ZFR: variants seen among roughly 807,000 people sequenced by gnomAD.
ZFR encodes the protein zinc finger RNA binding protein, also known as zinc finger RNA-binding protein.
In ZFR, 19 loss-of-function variants were observed where a neutral mutation model predicts 130.7. That is an observed-to-expected ratio of 0.15 (90% CI 0.10 to 0.21). The LOEUF is 0.21. ZFR is among the 10% of genes least tolerant of loss of function. ZFR has a pLI of 1.00. For synonymous variants in ZFR, 466 were observed against 456.9 expected, an observed-to-expected ratio of 1.02 and a Z score of -0.25; for missense variants, 872 against 1,321.5, an observed-to-expected ratio of 0.66 and a Z score of 5.27.
At position 32,420,093 on chromosome 5, in the gene ZFR, C is replaced by G. The variant is rs1271920675; in HGVS notation, c.148G>C (p.Ala50Pro). The G allele has an allele frequency of 6.4e-7, 1 of 1,573,454 alleles. No homozygotes were observed. Among genetic ancestry groups the G allele is most frequent in the Admixed American group, 1.8e-5 (1 of 55,600 alleles). ...AAAAQYSQQPASGVAYSHPTT... is the reference protein window; with the variant it reads ...AAAAQYSQQPPSGVAYSHPTT... ...GGATGAGAATAGGCTACACCCGAAG[C>G]TGGCTGCTGGCTACATTGTGGAGTA... is the stretch of plus-strand genomic sequence containing the variant. The change falls in exon 3 of 20, where the codon GCT becomes CCT. Residue 50 changes from alanine to proline, a missense_variant. Physicochemically the swap from Ala to Pro is conservative, Grantham distance 27 (BLOSUM62 -1). Coordinates refer to ENST00000265069, the MANE Select transcript of ZFR (RefSeq NM_016107.5).
At chr5:32,385,940 A>G (rs1421250254) in intron 14 of ZFR, among the ~76,000 whole-genome samples, 1 of 152,124 alleles carries the variant, frequency 6.6e-6, no homozygotes, top group Non-Finnish European at 1.5e-5. Context: ...AAACACTGCC[A>G]TATTTATAAC....
At chr5:32,419,707 ACATGTG>A in intron 3 of ZFR, 108 bp downstream of exon 3, 1 of 1,479,974 alleles carries the variant, frequency 6.8e-7, no homozygotes, top group Non-Finnish European at 8.9e-7. Flanking sequence ...CTCTATCAGT[ACATGTG>A]TATTTTGGAA....
chr5:32,372,149 A>G (rs1319905009), intron 17 of ZFR, among the ~76,000 whole-genome samples: 1 of 152,236 alleles, frequency 6.6e-6, no homozygotes, highest in Non-Finnish European at 1.5e-5. Context: ...AGGTAGCCAA[A>G]TCCTACTCCT....
chr5:32,444,356 C>CA (rs1304217400), intron 1 of ZFR, 28 bp from the exon 2 acceptor site: 1 of 1,532,740 alleles, frequency 6.5e-7, no homozygotes. Context: ...AGTCGGGTCC[C>CA]ATGGCGGGAC....
At chr5:32,403,696 G>GT (rs1753519068) in intron 7 of ZFR, among the ~76,000 whole-genome samples, 1 of 152,138 alleles carries the variant, frequency 6.6e-6, no homozygotes, top group Admixed American at 6.5e-5. Context: ...GAAATAAATG[G>GT]TTTAGTTCAA....
intron 17 of ZFR, among the ~76,000 whole-genome samples, chr5:32,368,629 T>C (rs1213053178): frequency 6.6e-6 from 1 of 152,180 alleles, no homozygotes; most frequent in African/African-American, 2.4e-5. Flanking sequence ...GCACAAAAAA[T>C]ATTCTGCCCA....
In ZFR at chr5:32,417,744, T is replaced by C. The variant is rs1753858837; in HGVS notation, c.469A>G (p.Ser157Gly). 1 of 1,613,876 alleles carries C rather than the reference T, an allele frequency of 6.2e-7. No homozygotes were observed. Among genetic ancestry groups the C allele is most frequent in the South Asian group, 1.1e-5 (1 of 91,082 alleles). Residue 157 changes from serine to glycine, a missense_variant, in exon 4 of 20, where the codon AGT becomes GGT. Physicochemically the swap from Ser to Gly is moderately conservative, Grantham distance 56. Coordinates refer to ENST00000265069, the MANE Select transcript of ZFR (RefSeq NM_016107.5). The part of the protein sequence containing the change: ...RSTAPAVAYD[S>G]KQYYQQPTAT... ...GTTGGTTGTTGGTAGTATTGCTTAC[T>C]ATCATAAGCTACAGCAGGAGCTGTG... is the stretch of plus-strand genomic sequence containing the variant.
intron 15 of ZFR, among the ~76,000 whole-genome samples, chr5:32,381,658 T>A (rs192734257): frequency 7.2e-5 from 11 of 152,260 alleles, no homozygotes; most frequent in Admixed American, 3.3e-4. Context: ...TTATTTTGAG[T>A]AGATGACATA....
In ZFR at chr5:32,428,158, C is replaced by T. The variant is rs537249390; in HGVS notation, c.138-8055G>A. 4.1e-3 allele frequency among the ~76,000 whole-genome samples: 617 copies of T among 152,246 alleles called. 5 individuals are homozygous for T. Among genetic ancestry groups the T allele is most frequent in the Non-Finnish European group, 3.2e-3 (217 of 67,992 alleles). On this transcript the variant is annotated intron_variant, in intron 2 of 19. Transcript: ENST00000265069. Reference sequence around the variant, plus strand: ...CTCTGTGTGGCTGAGTGCAGCGACTCTGTGTGGCACTGTGGGAGGCCGAGG... The same window carrying T: ...CTCTGTGTGGCTGAGTGCAGCGACTTTGTGTGGCACTGTGGGAGGCCGAGG...
At chr5:32,425,503 G>A (rs527494532) in intron 2 of ZFR, among the ~76,000 whole-genome samples, 310 of 152,260 alleles carry the variant, frequency 2.0e-3, no homozygotes, top group Non-Finnish European at 2.3e-3. Flanking sequence ...TTTTTCATAA[G>A]CATATTTTTG....
chr5:32,438,252 A>ATTTTTTTTTTTTTTTTTTTTT lies in ZFR; in HGVS notation c.137+5976_137+5977insAAAAAAAAAAAAAAAAAAAAA, dbSNP rs1561930577. Among the ~76,000 whole-genome samples, 2 of 83,476 alleles carry ATTTTTTTTTTTTTTTTTTTTT rather than the reference A, an allele frequency of 2.4e-5. 1 individual carries two copies. The allele number at this position is 83,476 out of a possible 152,430, so 54.8% of individuals were successfully genotyped here. A position where few individuals can be genotyped will look rare whatever the true frequency, so the allele number is the denominator to read the frequency against. On this transcript the variant is annotated intron_variant, in intron 2 of 19. Transcript: ENST00000265069. ...AAGAATGCTACTGATTTTATCTGAA[A>ATTTTTTTTTTTTTTTTTTTTT]ATTTTTTTTTTTTTTTTTTTTTTTT...
intron 12 of ZFR, among the ~76,000 whole-genome samples, 183 bp downstream of exon 12, chr5:32,390,092 G>T (rs1318999303): frequency 1.3e-5 from 2 of 152,126 alleles, no homozygotes; most frequent in Non-Finnish European, 2.9e-5. Flanking sequence ...CGCACGTTAC[G>T]TGCAGTGAGC....
chr5:32,440,747 G>A (rs1321773447), intron 2 of ZFR, among the ~76,000 whole-genome samples: 1 of 151,894 alleles, frequency 6.6e-6, no homozygotes, highest in Non-Finnish European at 1.5e-5. Flanking sequence ...CCACAAAATT[G>A]TCTAATATGC....
At chr5:32,431,631 C>A (rs376903731) in intron 2 of ZFR, among the ~76,000 whole-genome samples, 2 of 152,140 alleles carry the variant, frequency 1.3e-5, no homozygotes, top group African/African-American at 4.8e-5. Context: ...TTTCATGGCA[C>A]ATGAAACACA....
intron 2 of ZFR, among the ~76,000 whole-genome samples, chr5:32,434,826 G>C (rs1754298949): frequency 6.6e-6 from 1 of 152,090 alleles, no homozygotes; most frequent in Admixed American, 6.6e-5. Flanking sequence ...CTTGTAACTA[G>C]AACTACTCAA....
rs1397961169 is a variant in ZFR at position 32,394,317 on chromosome 5, TGAAC to T, written c.1979+838_1979+841del. On this transcript the variant is annotated intron_variant, in intron 11 of 19. Coordinates refer to ENST00000265069, the MANE Select transcript of ZFR (RefSeq NM_016107.5). ...ATACTGAAACATGTTACAATCTGGATGAACCATGAAAACACGCTAAGTGAACGAT... is the reference window on the plus strand; with the variant it reads ...ATACTGAAACATGTTACAATCTGGATCATGAAAACACGCTAAGTGAACGAT... 1.0e-4 allele frequency: 17 copies of T among 168,554 alleles called. No homozygotes were observed. In the East Asian group the frequency reaches 3.1e-3, roughly 31 times the overall value. The allele number at this position is 168,554 out of a possible 1,614,324, so 10.4% of individuals were successfully genotyped here. A position where few individuals can be genotyped will look rare whatever the true frequency, so the allele number is the denominator to read the frequency against.
chr5:32,364,315 A>C, intron 17 of ZFR, 40 bp from the exon 18 acceptor site: 1 of 1,470,636 alleles, frequency 6.8e-7, no homozygotes, highest in Non-Finnish European at 9.2e-7. Context: ...CAGCTTACCA[A>C]AGGAATTACT....
chr5:32,358,370 A>G (rs1034275937), intron 19 of ZFR, among the ~76,000 whole-genome samples: 6 of 152,264 alleles, frequency 3.9e-5, no homozygotes, highest in African/African-American at 2.4e-5. Context: ...ATAAAAAAAG[A>G]AAATTTAAGG....
Position 32,404,762 on chromosome 5 carries a change from C to T in ZFR, c.1033-665G>A, listed in dbSNP as rs191790832. Among the ~76,000 whole-genome samples the T allele has an allele frequency of 4.6e-4, 70 of 152,280 alleles. 1 individual carries two copies. Among genetic ancestry groups the T allele is most frequent in the African/African-American group, 1.6e-3 (66 of 41,552 alleles). On this transcript the variant is annotated intron_variant, in intron 6 of 19. Transcript: ENST00000265069. ...GATTGAGGAAGGCTGTTAATTAATA[C>T]GAGAGGATATTAGTAAGAACAACTG...
Sources: gnomAD v4.1 joint callset for allele counts (sites outside exome capture counted in the v4.1 genomes callset) on GRCh38, gnomAD v4.1.1 for gene constraint, MANE v1.5 for transcripts, NCBI Gene and HGNC (gene_info 2026-07-23, HGNC 2026-07-21) for gene names.